IL24: variants seen among roughly 807,000 people sequenced by gnomAD.
IL24 encodes interleukin-24.
Under a neutral mutation model 27.6 loss-of-function variants are expected in IL24, and 24 were observed. That is an observed-to-expected ratio of 0.87 (90% CI 0.63 to 1.22). The LOEUF (loss-of-function observed/expected upper bound fraction) is 1.22, where lower values mean the gene tolerates loss of function less well. IL24 is among the 50% of genes most tolerant of loss of function. IL24 has a pLI of 0.00. For synonymous variants in IL24, 99 were observed against 93.1 expected, an observed-to-expected ratio of 1.06 and a Z score of -0.36; for missense variants, 240 against 237.0, an observed-to-expected ratio of 1.01 and a Z score of -0.08.
chr1:206,898,501 G>A (rs1024163272), intron 2 of IL24, among the ~76,000 whole-genome samples: 1 of 152,076 alleles, frequency 6.6e-6, no homozygotes, highest in Non-Finnish European at 1.5e-5. Context: ...GGGAGGGAGA[G>A]AGGGAGGGAA....
In IL24 at chr1:206,899,449, C is replaced by G; in HGVS notation, c.174C>G (p.Pro58=). The G allele has an allele frequency of 6.2e-7, 1 of 1,613,970 alleles. No individual in the cohort carries two copies. The highest frequency in any genetic ancestry group is 1.1e-5 in the South Asian group (1 of 91,072). ...AGGGCCAAGAATTCCACTTTGGGCC[C>G]TGCCAAGTGAAGGGGGTTGTTCCCC... ...GAQGQEFHFG[P]CQVKGVVPQK... The change falls in exon 3 of 7, where the codon CCC becomes CCG. Residue 58 remains proline, a synonymous_variant. Transcript: ENST00000294984.
In IL24 at chr1:206,901,619, C is replaced by A. The variant is rs760626692; in HGVS notation, c.429C>A (p.Asn143Lys). The A allele has an allele frequency of 1.2e-6, 2 of 1,614,190 alleles. No homozygotes were observed. The highest frequency in any genetic ancestry group is 2.2e-5 in the South Asian group (2 of 91,084). The stretch of plus-strand genomic sequence containing the variant: ...AGTCATTCTCTACTCTGGCCAACAA[C>A]TTTGTTCTCATCGTGTCACAACTGC... Reference protein sequence around the residue: ...TLKSFSTLANNFVLIVSQLQP... With the variant: ...TLKSFSTLANKFVLIVSQLQP... The change falls in exon 5 of 7, where the codon AAC (asparagine) becomes AAA (lysine). Residue 143 changes from asparagine (N) to lysine (K), a missense_variant. By Grantham distance (94) the Asn-to-Lys change is moderately conservative. Transcript: ENST00000294984.
chr1:206,900,469 A>G, intron 4 of IL24, 112 bp downstream of exon 4: 1 of 938,260 alleles, frequency 1.1e-6, no homozygotes, highest in Non-Finnish European at 1.7e-6. Flanking sequence ...CCCTGGACTG[A>G]CCTTACACAG....
At position 206,901,983 on chromosome 1, in the gene IL24, TCCC is replaced by T; in HGVS notation, c.463-14_463-12del. 1.2e-6 allele frequency: 2 copies of T among 1,613,456 alleles called. No individual in the cohort carries two copies. Among genetic ancestry groups the T allele is most frequent in the Non-Finnish European group, 1.7e-6 (2 of 1,179,540 alleles). ...ATCTAAAAATTGGCACAACTTCTTT[TCCC>T]ATGTTATGTAGCAAGAAAATGAGAT... On this transcript the variant is annotated splice_polypyrimidine_tract_variant and intron_variant, in intron 5 of 6. Transcript: ENST00000294984.
At chr1:206,898,594 C>T (rs1183053653) in intron 2 of IL24, among the ~76,000 whole-genome samples, 1 of 152,176 alleles carries the variant, frequency 6.6e-6, no homozygotes, top group Non-Finnish European at 1.5e-5. Context: ...GGTTCCCCAG[C>T]TTGGAGGCTC....
Position 206,902,751 on chromosome 1 carries a change from T to C in IL24, c.538-225T>C, listed in dbSNP as rs148197936. 4.6e-4 allele frequency: 451 copies of C among 985,364 alleles called. 4 individuals carry two copies. The African/African-American group carries it at 6.0e-3, about 13-fold the overall frequency. 61.0% of individuals were successfully genotyped at this position (985,364 alleles called of 1,614,324 possible). On this transcript the variant is annotated intron_variant, in intron 6 of 6. Transcript: ENST00000294984. ...AGGGGTGCCATATGTCTTTCCCTTGTTCTTTGTCCACTGATATTCACTAGC... is the reference window on the plus strand; with the variant it reads ...AGGGGTGCCATATGTCTTTCCCTTGCTCTTTGTCCACTGATATTCACTAGC...
At chr1:206,899,282 G>A (rs1008445774) in intron 2 of IL24, 38 bp from the exon 3 acceptor site, 27 of 1,602,450 alleles carry the variant, frequency 1.7e-5, no homozygotes, top group Non-Finnish European at 2.2e-5. Flanking sequence ...CTGGGTCAGA[G>A]GGCCGGCCTC....
intron 3 of IL24, 41 bp from the exon 4 acceptor site, chr1:206,900,254 G>A: frequency 5.0e-6 from 8 of 1,591,434 alleles, no homozygotes; most frequent in Non-Finnish European, 6.9e-6. Flanking sequence ...TTTCTATGCT[G>A]ACCCCTAACC....
chr1:206,901,887 C>G, intron 5 of IL24, 111 bp from the exon 6 acceptor site: 1 of 1,137,588 alleles, frequency 8.8e-7, no homozygotes, highest in East Asian at 2.4e-5. Context: ...GGATTCAGCC[C>G]TGGGCTCTCA....
chr1:206,901,791 C>T (rs2102526590), intron 5 of IL24, 139 bp downstream of exon 5: 1 of 867,872 alleles, frequency 1.2e-6, no homozygotes, highest in South Asian at 1.7e-5. Flanking sequence ...ATGATCACTC[C>T]TGCCTGGCAG....
rs1572610013 is a variant in IL24, at chr1:206,903,371, A to C, written c.*312A>C. 2 of 284,916 alleles carry C rather than the reference A, an allele frequency of 7.0e-6. No homozygotes were observed. Among genetic ancestry groups the C allele is most frequent in the East Asian group, 1.5e-4 (2 of 12,914 alleles). 17.6% of individuals were successfully genotyped at this position (284,916 alleles called of 1,614,324 possible). On this transcript the variant is annotated 3_prime_UTR_variant, in exon 7 of 7. Coordinates refer to ENST00000294984, the MANE Select transcript of IL24 (RefSeq NM_006850.3). The stretch of plus-strand genomic sequence containing the variant: ...ACTGTAAGTTACATGAAGGCAGCAG[A>C]ATATTGTGCCCCATGCTTCTTTACC...
intron 1 of IL24, 22 bp from the exon 2 acceptor site, chr1:206,897,709 A>AT: frequency 2.1e-6 from 2 of 970,440 alleles, no homozygotes; most frequent in Non-Finnish European, 3.1e-6. Flanking sequence ...GCAGAAGTCA[A>AT]TTTTTTTGAG....
At chr1:206,901,771 TA>T in intron 5 of IL24, 119 bp downstream of exon 5, 1 of 916,604 alleles carries the variant, frequency 1.1e-6, no homozygotes, top group Non-Finnish European at 1.7e-6. Flanking sequence ...TTGTTATCTG[TA>T]AAATGGGGAT....
Position 206,897,759 on chromosome 1 carries a change from G to A in IL24, c.-74G>A, listed in dbSNP as rs1448458440. On this transcript the variant is annotated 5_prime_UTR_variant, in exon 2 of 7. Coordinates refer to ENST00000294984, the MANE Select transcript of IL24 (RefSeq NM_006850.3). ...CAAGACATGACTGTGATGAGGAGCT[G>A]CTTTCGCCAATTTAACACCAAGAAG... The A allele has an allele frequency of 2.6e-6, 4 of 1,550,844 alleles. No individual in the cohort carries two copies. The highest frequency in any genetic ancestry group is 2.7e-5 in the African/African-American group (2 of 73,628).
intron 5 of IL24, 80 bp downstream of exon 5, chr1:206,901,732 C>T: frequency 8.3e-7 from 1 of 1,206,566 alleles, no homozygotes; most frequent in Non-Finnish European, 1.2e-6. Context: ...TGACCCTCTG[C>T]AAAGTCCTCC....
At chr1:206,898,103 G>A (rs1412661591) in intron 2 of IL24, among the ~76,000 whole-genome samples, 1 of 150,124 alleles carries the variant, frequency 6.7e-6, no homozygotes, top group Non-Finnish European at 1.5e-5. Flanking sequence ...GTAGGCAGAG[G>A]TTGCAGTGAG....
Position 206,899,399 on chromosome 1 carries a change from C to T in IL24, c.124C>T (p.Leu42Phe), listed in dbSNP as rs1213528482. The change falls in exon 3 of 7, where the codon CTC (leucine) becomes TTC (phenylalanine). Residue 42 changes from leucine (L) to phenylalanine (F), a missense_variant. Transcript: ENST00000294984. ...VLPCLGFTLL[L>F]WSQVSGAQGQ... Reference sequence around the variant, plus strand: ...CCCTTGCCTGGGTTTTACCCTGCTTCTCTGGAGCCAGGTATCAGGGGCCCA... The same window carrying T: ...CCCTTGCCTGGGTTTTACCCTGCTTTTCTGGAGCCAGGTATCAGGGGCCCA... 2 of 1,614,088 alleles carry T rather than the reference C, an allele frequency of 1.2e-6. No homozygotes were observed. The highest frequency in any genetic ancestry group is 2.7e-5 in the African/African-American group (2 of 74,940).
In IL24 at chr1:206,897,824, G is replaced by A; in HGVS notation, c.-9G>A. 1 of 1,612,468 alleles carries A rather than the reference G, an allele frequency of 6.2e-7. No individual in the cohort carries two copies. Among genetic ancestry groups the A allele is most frequent in the Non-Finnish European group, 8.5e-7 (1 of 1,179,492 alleles). On this transcript the variant is annotated 5_prime_UTR_variant, in exon 2 of 7. Transcript: ENST00000294984. Reference sequence around the variant, plus strand: ...GGGAGGAAGGCCAGGAGGAACACGAGACTGAGAGATGAATTTTCAACAGAG... The same window carrying A: ...GGGAGGAAGGCCAGGAGGAACACGAAACTGAGAGATGAATTTTCAACAGAG...
chr1:206,902,811 T>C, intron 6 of IL24, 165 bp from the exon 7 acceptor site: 1 of 985,344 alleles, frequency 1.0e-6, no homozygotes, highest in Non-Finnish European at 1.2e-6. Flanking sequence ...GATAAACACA[T>C]GTAGATGGAG....
Sources: gnomAD v4.1 joint callset for allele counts (sites outside exome capture counted in the v4.1 genomes callset) on GRCh38, gnomAD v4.1.1 for gene constraint, MANE v1.5 for transcripts, NCBI Gene and HGNC (gene_info 2026-07-23, HGNC 2026-07-21) for gene names.